Variants in CREB5 observed in about 807,000 individuals in gnomAD.
CREB5 encodes the protein cyclic AMP-responsive element-binding protein 5.
In CREB5, 19 loss-of-function variants were observed where a neutral mutation model predicts 57.1. The observed-to-expected ratio is 0.33, with a 90% CI of 0.23 to 0.49. The LOEUF is 0.49. Among genes scored for constraint, CREB5 ranks in the 20% least tolerant of loss-of-function variants. CREB5 has a pLI of 0.99. For missense variants in CREB5, 579 were observed against 671.6 expected, an observed-to-expected ratio of 0.86 and a Z score of 1.52; for synonymous variants, 238 against 238.3, an observed-to-expected ratio of 1.00 and a Z score of 0.01.
At chr7:28,613,160 C>A (rs547133953) in intron 5 of CREB5, among the ~76,000 whole-genome samples, 137 of 152,184 alleles carry the variant, frequency 9.0e-4, no homozygotes, top group Non-Finnish European at 1.4e-3. Flanking sequence ...GTAGCAGGGG[C>A]CCCTCTATTT....
At chr7:28,425,742 T>G (rs1788483200) in intron 1 of CREB5, among the ~76,000 whole-genome samples, 1 of 152,188 alleles carries the variant, frequency 6.6e-6, no homozygotes, top group African/African-American at 2.4e-5. Flanking sequence ...TGATAGGGCA[T>G]TTCAGACCTC....
At chr7:28,616,913 A>T (rs1468132151) in intron 5 of CREB5, among the ~76,000 whole-genome samples, 1 of 152,222 alleles carries the variant, frequency 6.6e-6, no homozygotes, top group African/African-American at 2.4e-5. Context: ...TTCTTTAAAC[A>T]AGTGTTTGTA....
At chr7:28,560,823 C>CGTGTGT (rs1442862711) in intron 4 of CREB5, among the ~76,000 whole-genome samples, 2 of 34,452 alleles carry the variant, frequency 5.8e-5, no homozygotes, top group African/African-American at 9.6e-5. Flanking sequence ...TGTGTGTGTG[C>CGTGTGT]GCGCGCGCGC....
intron 1 of CREB5, among the ~76,000 whole-genome samples, chr7:28,343,559 C>G (rs1284905822): frequency 1.3e-5 from 2 of 151,170 alleles, no homozygotes; most frequent in Non-Finnish European, 2.9e-5. Flanking sequence ...AATCATATTC[C>G]ATTGTGTATA....
At chr7:28,512,609 A>G (rs1330248499) in intron 4 of CREB5, among the ~76,000 whole-genome samples, 1 of 152,104 alleles carries the variant, frequency 6.6e-6, no homozygotes, top group African/African-American at 2.4e-5. Flanking sequence ...TGCATAATAC[A>G]CATCTAGGAG....
chr7:28,640,346 G>T, intron 5 of CREB5, among the ~76,000 whole-genome samples: 1 of 152,168 alleles, frequency 6.6e-6, no homozygotes, highest in East Asian at 1.9e-4. Context: ...CACACATGAA[G>T]TAACAAATGC....
chr7:28,456,092 A>T (rs1790082965), intron 1 of CREB5, among the ~76,000 whole-genome samples: 2 of 152,166 alleles, frequency 1.3e-5, no homozygotes, highest in Admixed American at 6.5e-5. Flanking sequence ...AATCTTTTAC[A>T]GTGAAATTAT....
At chr7:28,385,142 G>A (rs1386717920) in intron 1 of CREB5, among the ~76,000 whole-genome samples, 1 of 152,114 alleles carries the variant, frequency 6.6e-6, no homozygotes, top group Non-Finnish European at 1.5e-5. Flanking sequence ...AGCTTATACT[G>A]ACACTCAGTT....
At chr7:28,483,684 C>T (rs1397465092) in intron 1 of CREB5, among the ~76,000 whole-genome samples, 2 of 152,116 alleles carry the variant, frequency 1.3e-5, no homozygotes, top group Non-Finnish European at 2.9e-5. Context: ...ATACTCAGCC[C>T]ACATGTGGTT....
chr7:28,442,522 A>T (rs1412386337), intron 1 of CREB5, among the ~76,000 whole-genome samples: 4 of 152,066 alleles, frequency 2.6e-5, no homozygotes, highest in Non-Finnish European at 1.5e-5. Flanking sequence ...TTTTTGAGAA[A>T]CTTTCATACT....
At chr7:28,680,053 G>A (rs561370722) in intron 5 of CREB5, among the ~76,000 whole-genome samples, 10 of 152,112 alleles carry the variant, frequency 6.6e-5, no homozygotes, top group Non-Finnish European at 1.2e-4. Flanking sequence ...GGACTAAGGG[G>A]CACAAATGAG....
chr7:28,360,500 A>G (rs960111603), intron 1 of CREB5, among the ~76,000 whole-genome samples: 1 of 152,212 alleles, frequency 6.6e-6, no homozygotes, highest in Non-Finnish European at 1.5e-5. Context: ...ATTCACTTAT[A>G]TGTTGAATCT....
chr7:28,403,000 A>T (rs1787504616), intron 1 of CREB5, among the ~76,000 whole-genome samples: 1 of 152,196 alleles, frequency 6.6e-6, no homozygotes, highest in Non-Finnish European at 1.5e-5. Context: ...TTTGAGTTAC[A>T]CCTGTTAGGA....
chr7:28,494,882 C>CTT, intron 2 of CREB5, 24 bp from the exon 3 acceptor site: 1 of 1,405,364 alleles, frequency 7.1e-7, no homozygotes, highest in Non-Finnish European at 9.4e-7. Flanking sequence ...TTCTCCCCTC[C>CTT]CTTTTTTTTT....
rs146845783 is a variant in CREB5, at chr7:28,770,906, G to A, written c.703-33293G>A. On this transcript the variant is annotated intron_variant, in intron 7 of 10. Coordinates refer to ENST00000357727, the MANE Select transcript of CREB5 (RefSeq NM_182898.4). ...ACAGTACTCAAGGTATACTTGAAAT[G>A]TGCTTAAGTGTTCTCATCATAAAAC... 1.2e-4 allele frequency among the ~76,000 whole-genome samples: 18 copies of A among 152,300 alleles called. 1 individual carries two copies. The Middle Eastern group carries it at 0.014, about 115-fold the overall frequency.
intron 4 of CREB5, among the ~76,000 whole-genome samples, chr7:28,543,526 T>C (rs1005417747): frequency 6.8e-6 from 1 of 146,274 alleles, no homozygotes; most frequent in African/African-American, 2.6e-5. Flanking sequence ...TCAGTTTTTG[T>C]ACATAACAAT....
At chr7:28,320,691 T>C (rs770928957) in intron 1 of CREB5, among the ~76,000 whole-genome samples, 94 of 152,346 alleles carry the variant, frequency 6.2e-4, no homozygotes, top group Middle Eastern at 3.4e-3. Flanking sequence ...CACTTGTCTG[T>C]TTAAGCAAAG....
At chr7:28,718,515 A>C (rs1296973668) in intron 5 of CREB5, among the ~76,000 whole-genome samples, 1 of 152,228 alleles carries the variant, frequency 6.6e-6, no homozygotes, top group Non-Finnish European at 1.5e-5. Flanking sequence ...AACATCAGTT[A>C]GATAACAGAG....
chr7:28,529,624 G>C (rs1315877097), intron 4 of CREB5, among the ~76,000 whole-genome samples: 4 of 152,170 alleles, frequency 2.6e-5, no homozygotes, highest in Non-Finnish European at 5.9e-5. Context: ...AACAAAAACT[G>C]TCTGTCTCTC....
Sources: gnomAD v4.1 joint callset for allele counts (sites outside exome capture counted in the v4.1 genomes callset) on GRCh38, gnomAD v4.1.1 for gene constraint, MANE v1.5 for transcripts, NCBI Gene and HGNC (gene_info 2026-07-23, HGNC 2026-07-21) for gene names.